The following PARD3B variants were observed in gnomAD, a reference collection of about 807,000 sequenced individuals.
PARD3B encodes the protein partitioning defective 3 homolog B.
A neutral mutation model predicts 130.2 loss-of-function variants in PARD3B; 103 were observed. That is an observed-to-expected ratio of 0.79 (90% CI 0.67 to 0.93). The LOEUF (loss-of-function observed/expected upper bound fraction) is 0.93. PARD3B is among the 40% of genes least tolerant of loss of function. The pLI is 0.00. For synonymous variants in PARD3B, 583 were observed against 553.2 expected (o/e 1.05, Z -0.76); for missense variants, 1,609 against 1,499.2 (o/e 1.07, Z -1.21).
intron 1 of PARD3B, 78 bp from the exon 2 acceptor site, chr2:204,686,103 T>A (rs2037065124): frequency 1.0e-6 from 1 of 970,694 alleles, no homozygotes; most frequent in African/African-American, 1.6e-5. Context: ...ACAAGTTAAC[T>A]TATGTCTCTT....
intron 22 of PARD3B, among the ~76,000 whole-genome samples, chr2:205,611,332 G>T (rs1331090444): frequency 6.6e-6 from 1 of 152,212 alleles, no homozygotes; most frequent in Non-Finnish European, 1.5e-5. Context: ...AATGTAGGAA[G>T]ATGTCTTTCA....
chr2:204,779,654 A>G (rs1212639883), intron 2 of PARD3B, among the ~76,000 whole-genome samples: 2 of 152,198 alleles, frequency 1.3e-5, no homozygotes, highest in African/African-American at 2.4e-5. Context: ...ACTGTATTAA[A>G]TAACCAGGGC....
intron 2 of PARD3B, among the ~76,000 whole-genome samples, chr2:204,823,894 C>T (rs2043466227): frequency 6.7e-6 from 1 of 148,850 alleles, no homozygotes; most frequent in South Asian, 2.1e-4. Flanking sequence ...GAGCCGAGAT[C>T]ACACCTCTGC....
In PARD3B at chr2:205,313,425, G is replaced by C. The variant is rs572851754; in HGVS notation, c.2630+11724G>C. ...GGCAAGGGCATGGATGGGGTTAATT[G>C]GTATGAAAATGTACAGGAACCTTGT... On this transcript the variant is annotated intron_variant, in intron 18 of 22. Transcript: ENST00000406610. 2.6e-5 allele frequency among the ~76,000 whole-genome samples: 4 copies of C among 152,274 alleles called. 1 individual carries two copies. The highest frequency in any genetic ancestry group is 6.8e-3 in the Middle Eastern group (2 of 294).
At chr2:205,029,684 G>A (rs1286814561) in intron 3 of PARD3B, among the ~76,000 whole-genome samples, 1 of 152,090 alleles carries the variant, frequency 6.6e-6, no homozygotes, top group East Asian at 1.9e-4. Context: ...AGAGCCCTTT[G>A]GGGGTCAAGG....
At chr2:205,364,531 T>C (rs1175144826) in intron 18 of PARD3B, among the ~76,000 whole-genome samples, 1 of 152,212 alleles carries the variant, frequency 6.6e-6, no homozygotes, top group Non-Finnish European at 1.5e-5. Flanking sequence ...TTTAATCCTC[T>C]CCATCTTTTA....
intron 1 of PARD3B, among the ~76,000 whole-genome samples, chr2:204,592,472 T>C (rs2033118069): frequency 6.6e-6 from 1 of 152,220 alleles, no homozygotes; most frequent in Admixed American, 6.5e-5. Context: ...CATCCAAAGA[T>C]GAAAATAGGC....
At chr2:205,522,510 AAATT>A (rs1473508973) in intron 21 of PARD3B, among the ~76,000 whole-genome samples, 1 of 152,064 alleles carries the variant, frequency 6.6e-6, no homozygotes, top group African/African-American at 2.4e-5. Context: ...AAAAAAAATT[AAATT>A]AATTAAAATC....
intron 20 of PARD3B, among the ~76,000 whole-genome samples, chr2:205,496,560 G>A (rs1302614900): frequency 6.6e-6 from 1 of 152,032 alleles, no homozygotes; most frequent in Non-Finnish European, 1.5e-5. Flanking sequence ...TTTTTCTCTT[G>A]GGCCAGATTT....
intron 1 of PARD3B, among the ~76,000 whole-genome samples, chr2:204,608,407 G>A (rs2033805705): frequency 6.6e-6 from 1 of 152,118 alleles, no homozygotes; most frequent in African/African-American, 2.4e-5. Flanking sequence ...TAGTGTGTGT[G>A]GGTGGCTGTG....
Position 205,021,188 on chromosome 2 carries a change from G to A in PARD3B, c.395-26393G>A, listed in dbSNP as rs1343685375. On this transcript the variant is annotated intron_variant, in intron 3 of 22. Coordinates refer to ENST00000406610, the MANE Select transcript of PARD3B (RefSeq NM_001302769.2). This position sits in a 1 kb window ranked among gnomAD's most constrained non-coding sequence, Gnocchi z 4.5. ...GAACCTGTGTAGAGGTCTGCAACTG[G>A]AAAGGATGTCCTGAAAAGCACTATT... Among the ~76,000 whole-genome samples, 1 of 152,078 alleles carries A rather than the reference G, an allele frequency of 6.6e-6. No homozygotes were observed. Among genetic ancestry groups the A allele is most frequent in the Non-Finnish European group, 1.5e-5 (1 of 68,012 alleles).
intron 2 of PARD3B, among the ~76,000 whole-genome samples, chr2:204,921,449 G>A (rs1411788352): frequency 6.6e-6 from 1 of 152,094 alleles, no homozygotes; most frequent in Non-Finnish European, 1.5e-5. Context: ...TATAGTGGGA[G>A]GATTTGGATT....
At chr2:205,075,804 C>A (rs1054793263) in intron 4 of PARD3B, among the ~76,000 whole-genome samples, 1 of 151,618 alleles carries the variant, frequency 6.6e-6, no homozygotes, top group East Asian at 1.9e-4. Context: ...TTCATAAACA[C>A]ATACTTTTGC....
chr2:205,308,388 C>T (rs1446239410), intron 18 of PARD3B, among the ~76,000 whole-genome samples: 8 of 152,030 alleles, frequency 5.3e-5, no homozygotes, highest in East Asian at 1.9e-4. Context: ...AGGCAGATCA[C>T]GAGGTCAGGA....
At chr2:205,204,592 T>C (rs2037179378) in intron 15 of PARD3B, among the ~76,000 whole-genome samples, 1 of 152,194 alleles carries the variant, frequency 6.6e-6, no homozygotes, top group Admixed American at 6.5e-5. Flanking sequence ...GGCATTATTT[T>C]TAAGTCTTTA....
intron 1 of PARD3B, among the ~76,000 whole-genome samples, chr2:204,555,749 C>G (rs1559153708): frequency 6.6e-6 from 1 of 152,146 alleles, no homozygotes; most frequent in African/African-American, 2.4e-5. Flanking sequence ...TTCAAGCATG[C>G]CAGACAGACT....
intron 10 of PARD3B, among the ~76,000 whole-genome samples, chr2:205,156,833 CAAAAG>C (rs1289128290): frequency 6.6e-6 from 1 of 152,058 alleles, no homozygotes; most frequent in Non-Finnish European, 1.5e-5. Flanking sequence ...AAAAAATTTT[CAAAAG>C]AAAAGATAAT....
chr2:205,198,633 T>C lies in PARD3B; in HGVS notation c.2140+5313T>C, dbSNP rs1018289319. Among the ~76,000 whole-genome samples, 52 of 152,280 alleles carry C rather than the reference T, an allele frequency of 3.4e-4. 1 individual carries two copies. Among genetic ancestry groups the C allele is most frequent in the African/African-American group, 1.2e-3 (49 of 41,582 alleles). On this transcript the variant is annotated intron_variant, in intron 15 of 22. Coordinates refer to ENST00000406610, the MANE Select transcript of PARD3B (RefSeq NM_001302769.2). The stretch of plus-strand genomic sequence containing the variant: ...CATTTTGAATATGAAACCTTTTATA[T>C]ATGTCAGATATTCCTCTTAGACAGT...
At chr2:204,728,534 G>T (rs2039342045) in intron 2 of PARD3B, among the ~76,000 whole-genome samples, 2 of 152,182 alleles carry the variant, frequency 1.3e-5, no homozygotes, top group South Asian at 2.1e-4. Flanking sequence ...TTGTTGGAAT[G>T]AGATTGATCC....
Sources: allele counts gnomAD v4.1 joint callset (sites outside exome capture counted in the v4.1 genomes callset), GRCh38; gene constraint gnomAD v4.1.1; non-coding constraint Gnocchi (gnomAD v3.1); transcripts MANE v1.5; gene names NCBI Gene and HGNC (gene_info 2026-07-23, HGNC 2026-07-21).